PCDHGA7: variants seen among roughly 807,000 people sequenced by gnomAD.
The protein encoded by PCDHGA7 is protocadherin gamma-A7.
Under a neutral mutation model 58.3 loss-of-function variants are expected in PCDHGA7, and 44 were observed. That is an observed-to-expected ratio of 0.75 (90% CI 0.59 to 0.97). The LOEUF (loss-of-function observed/expected upper bound fraction) is 0.97, where lower values mean the gene tolerates loss of function less well. Ranked by LOEUF, PCDHGA7 falls within the 50% of genes least tolerant of loss-of-function variation. PCDHGA7 has a pLI of 0.00. For synonymous variants in PCDHGA7, 516 were observed against 504.2 expected, an observed-to-expected ratio of 1.02 and a Z score of -0.31; for missense variants, 1,266 against 1,188.7, an observed-to-expected ratio of 1.06 and a Z score of -0.96.
In PCDHGA7 at chr5:141,485,441, A is replaced by G. The variant is rs1562105312; in HGVS notation, c.2425-9366A>G. ...CGGAGCCCTGCTCATCAAGAACCCA[A>G]TCGACCGAGAGGCACTGTGTGGGCT... On this transcript the variant is annotated intron_variant, in intron 1 of 3. Transcript: ENST00000518325. The surrounding 1 kb of genome is among the most constrained non-coding windows in gnomAD (Gnocchi z 5.7). 3 of 1,613,910 alleles carry G rather than the reference A, an allele frequency of 1.9e-6. No homozygotes were observed. Among genetic ancestry groups the G allele is most frequent in the South Asian group, 1.1e-5 (1 of 91,062 alleles).
chr5:141,427,710 G>T, intron 1 of PCDHGA7: 2 of 1,033,628 alleles, frequency 1.9e-6, no homozygotes, highest in South Asian at 2.6e-5. Context: ...CAGCGCCTCT[G>T]ACCTGGACCT....
chr5:141,496,533 G>A (rs2099769399), intron 2 of PCDHGA7, among the ~76,000 whole-genome samples: 2 of 152,176 alleles, frequency 1.3e-5, no homozygotes, highest in Admixed American at 1.3e-4. Context: ...GTGTATGGCA[G>A]AGATTCCAGC....
chr5:141,443,708 T>G (rs2098400247), intron 1 of PCDHGA7, among the ~76,000 whole-genome samples: 1 of 152,192 alleles, frequency 6.6e-6, no homozygotes, highest in Non-Finnish European at 1.5e-5. Context: ...GAATAACATT[T>G]GCATATAAAA....
intron 1 of PCDHGA7, chr5:141,427,241 T>C (rs1381559575): frequency 4.4e-6 from 2 of 456,696 alleles, no homozygotes; most frequent in Admixed American, 2.3e-5. Flanking sequence ...GAGTAGAAGC[T>C]AAGGATGGTG....
At chr5:141,435,390 C>T (rs2097760754) in intron 1 of PCDHGA7, among the ~76,000 whole-genome samples, 1 of 152,052 alleles carries the variant, frequency 6.6e-6, no homozygotes, top group Non-Finnish European at 1.5e-5. Flanking sequence ...ACCGTATTGC[C>T]ATGACGAAAA....
At chr5:141,440,732 A>C (rs2154559008) in intron 1 of PCDHGA7, 1 of 152,346 alleles carries the variant, frequency 6.6e-6, no homozygotes, top group African/African-American at 2.4e-5. Context: ...GTGTTAGAGA[A>C]GCTGCTTGAC....
At chr5:141,506,865 G>T (rs1403350484) in intron 3 of PCDHGA7, among the ~76,000 whole-genome samples, 1 of 152,186 alleles carries the variant, frequency 6.6e-6, no homozygotes, top group African/African-American at 2.4e-5. Flanking sequence ...GGACTGGTGG[G>T]TAGAGAACCA....
intron 1 of PCDHGA7, among the ~76,000 whole-genome samples, chr5:141,468,946 C>T (rs1437282358): frequency 7.0e-6 from 1 of 141,900 alleles, no homozygotes; most frequent in East Asian, 2.0e-4. Context: ...ATGGGGTAAA[C>T]CTGTGGTTTT....
chr5:141,502,578 T>C (rs2099815145), intron 2 of PCDHGA7, among the ~76,000 whole-genome samples: 1 of 152,198 alleles, frequency 6.6e-6, no homozygotes, highest in African/African-American at 2.4e-5. Context: ...TATAAAAATA[T>C]ATTTTTATAA....
At position 141,486,694 on chromosome 5, in the gene PCDHGA7, C is replaced by T. The variant is rs1275794121; in HGVS notation, c.2425-8113C>T. ...ATCGAGATGTATCAGCTTCCTCTTTCATCTCTCTGAACCCCCAGACAGGAG... is the reference window on the plus strand; with the variant it reads ...ATCGAGATGTATCAGCTTCCTCTTTTATCTCTCTGAACCCCCAGACAGGAG... On this transcript the variant is annotated intron_variant, in intron 1 of 3. Transcript: ENST00000518325. This position sits in a 1 kb window ranked among gnomAD's most constrained non-coding sequence, Gnocchi z 5.0. 1.2e-6 allele frequency: 2 copies of T among 1,614,168 alleles called. No individual in the cohort carries two copies. Among genetic ancestry groups the T allele is most frequent in the Non-Finnish European group, 1.7e-6 (2 of 1,180,044 alleles).
At chr5:141,421,618 G>A (rs748399893) in intron 1 of PCDHGA7, 1 of 1,613,766 alleles carries the variant, frequency 6.2e-7, no homozygotes, top group African/African-American at 1.3e-5. Context: ...TAATGATAAC[G>A]CCCCCAGCTT....
chr5:141,466,799 C>T (rs1049340129), intron 1 of PCDHGA7, among the ~76,000 whole-genome samples: 1 of 152,056 alleles, frequency 6.6e-6, no homozygotes, highest in African/African-American at 2.4e-5. Flanking sequence ...CAAACTAGAT[C>T]CTATTCAGAC....
Position 141,489,153 on chromosome 5 carries a change from G to T in PCDHGA7, c.2425-5654G>T. 1 of 935,828 alleles carries T rather than the reference G, an allele frequency of 1.1e-6. No individual in the cohort carries two copies. Among genetic ancestry groups the T allele is most frequent in the South Asian group, 1.8e-5 (1 of 55,006 alleles). 58.0% of individuals were successfully genotyped at this position (935,828 alleles called of 1,614,324 possible). A position where few individuals can be genotyped will look rare whatever the true frequency, so the allele number is the denominator to read the frequency against. Reference sequence around the variant, plus strand: ...TTTAAGAGGCTGGAAGGAGACATAAGAGACTTCAGCTGCTGCATTCCAAGC... The same window carrying T: ...TTTAAGAGGCTGGAAGGAGACATAATAGACTTCAGCTGCTGCATTCCAAGC... On this transcript the variant is annotated intron_variant, in intron 1 of 3. Transcript: ENST00000518325. The surrounding 1 kb of genome is among the most constrained non-coding windows in gnomAD (Gnocchi z 4.5).
At chr5:141,456,099 G>A (rs1428094221) in intron 1 of PCDHGA7, among the ~76,000 whole-genome samples, 5 of 151,980 alleles carry the variant, frequency 3.3e-5, no homozygotes, top group East Asian at 1.9e-4. Flanking sequence ...GGATTTCACC[G>A]TGTTAGCCAG....
intron 1 of PCDHGA7, among the ~76,000 whole-genome samples, chr5:141,474,511 C>T (rs2099350824): frequency 6.6e-6 from 1 of 152,202 alleles, no homozygotes; most frequent in Non-Finnish European, 1.5e-5. Context: ...TATCAGCCCT[C>T]TTGCTGGTCT....
At chr5:141,421,894 C>T (rs764642401) in intron 1 of PCDHGA7, 6 of 1,613,586 alleles carry the variant, frequency 3.7e-6, no homozygotes, top group Non-Finnish European at 4.2e-6. Flanking sequence ...CGATCCCATC[C>T]GAAAGGGCGC....
At position 141,383,043 on chromosome 5, in the gene PCDHGA7, C is replaced by T; in HGVS notation, c.144C>T (p.Ile48=). 6.2e-7 allele frequency: 1 copy of T among 1,613,860 alleles called. No individual in the cohort carries two copies. Among genetic ancestry groups the T allele is most frequent in the Non-Finnish European group, 8.5e-7 (1 of 1,179,904 alleles). Residue 48 remains isoleucine, a synonymous_variant, in exon 1 of 4, where the codon ATC becomes ATT. Transcript: ENST00000518325. The part of the protein sequence containing the change: ...ETDKGSFVGD[I]AKDLGLEPRE... ...ACAAAGGGTCCTTTGTGGGAGACAT[C>T]GCCAAGGACCTGGGGCTGGAGCCCC...
chr5:141,461,258 A>G lies in PCDHGA7; in HGVS notation c.2425-33549A>G, dbSNP rs2099011921. Among the ~76,000 whole-genome samples, 4 of 152,104 alleles carry G rather than the reference A, an allele frequency of 2.6e-5. No individual in the cohort carries two copies. In the South Asian group the frequency reaches 8.3e-4, roughly 31 times the overall value. The stretch of plus-strand genomic sequence containing the variant: ...GTACTAATTTATATTCCCAGCAGCA[A>G]TGTGTAAGTGTTCTCTTTTCCCCAC... On this transcript the variant is annotated intron_variant, in intron 1 of 3. Transcript: ENST00000518325.
intron 1 of PCDHGA7, chr5:141,413,757 G>C (rs2095674818): frequency 1.2e-6 from 2 of 1,612,920 alleles, no homozygotes; most frequent in African/African-American, 2.7e-5. Flanking sequence ...ATGGCGTCAA[G>C]TACCCGGAGC....
Sources: allele counts gnomAD v4.1 joint callset (sites outside exome capture counted in the v4.1 genomes callset), GRCh38; gene constraint gnomAD v4.1.1; non-coding constraint Gnocchi (gnomAD v3.1); transcripts MANE v1.5; gene names NCBI Gene and HGNC (gene_info 2026-07-23, HGNC 2026-07-21).